Variants in CNTNAP5 observed in about 807,000 individuals in gnomAD.
CNTNAP5 encodes contactin-associated protein-like 5.
Under a neutral mutation model 150.2 loss-of-function variants are expected in CNTNAP5, and 72 were observed. The observed-to-expected ratio is 0.48, with a 90% CI of 0.40 to 0.58. The LOEUF is 0.58. CNTNAP5 is among the 20% of genes least tolerant of loss of function. The pLI is 0.00. For synonymous variants in CNTNAP5, 672 were observed against 619.8 expected (o/e 1.08, Z -1.25); for missense variants, 1,636 against 1,626.2 (o/e 1.01, Z -0.10).
At chr2:124,653,426 T>C (rs146058593) in intron 13 of CNTNAP5, among the ~76,000 whole-genome samples, 47 of 150,934 alleles carry the variant, frequency 3.1e-4, no homozygotes, top group African/African-American at 1.1e-3. Context: ...TAGTATATAG[T>C]ATGGATAAAT....
At chr2:124,805,339 C>A (rs952863684) in intron 19 of CNTNAP5, among the ~76,000 whole-genome samples, 1 of 152,004 alleles carries the variant, frequency 6.6e-6, no homozygotes, top group Non-Finnish European at 1.5e-5. Context: ...AGAGAGAGAG[C>A]TATAATAACT....
chr2:124,441,945 T>C (rs1177382358), intron 5 of CNTNAP5, among the ~76,000 whole-genome samples: 3 of 151,982 alleles, frequency 2.0e-5, no homozygotes, highest in Non-Finnish European at 4.4e-5. Flanking sequence ...GTCAACAAAT[T>C]GCTTTAAGTA....
intron 8 of CNTNAP5, among the ~76,000 whole-genome samples, chr2:124,515,361 C>T (rs147008587): frequency 6.6e-6 from 1 of 152,286 alleles, no homozygotes; most frequent in African/African-American, 2.4e-5. Flanking sequence ...AGGAGACTAA[C>T]ATGGACGGAT....
chr2:124,325,714 C>A (rs2104673901), intron 3 of CNTNAP5, among the ~76,000 whole-genome samples: 1 of 152,272 alleles, frequency 6.6e-6, no homozygotes, highest in South Asian at 2.1e-4. Context: ...GGAGGTGAGG[C>A]CATTTCGAAG....
At chr2:124,055,403 C>T (rs373212974) in intron 1 of CNTNAP5, among the ~76,000 whole-genome samples, 1 of 152,252 alleles carries the variant, frequency 6.6e-6, no homozygotes, top group African/African-American at 2.4e-5. Context: ...GTGGGGAATG[C>T]TTTTTTATGT....
intron 13 of CNTNAP5, among the ~76,000 whole-genome samples, chr2:124,692,040 A>T (rs1236160448): frequency 2.6e-5 from 4 of 152,054 alleles, no homozygotes; most frequent in Non-Finnish European, 5.9e-5. Flanking sequence ...AAGAAGCACG[A>T]ATTAGATTAT....
intron 11 of CNTNAP5, among the ~76,000 whole-genome samples, chr2:124,583,073 A>T (rs114118059): frequency 1.7e-3 from 263 of 152,314 alleles, no homozygotes; most frequent in African/African-American, 6.0e-3. Context: ...GGGGATATCC[A>T]TGTGAAGTTC....
intron 6 of CNTNAP5, among the ~76,000 whole-genome samples, chr2:124,455,912 C>T (rs896364448): frequency 2.0e-5 from 3 of 152,088 alleles, no homozygotes; most frequent in Admixed American, 2.0e-4. Context: ...AAGGGACATA[C>T]TTCCATGTAA....
chr2:124,670,371 C>G (rs1381898441), intron 13 of CNTNAP5, among the ~76,000 whole-genome samples: 1 of 152,008 alleles, frequency 6.6e-6, no homozygotes, highest in East Asian at 1.9e-4. Context: ...TGTGTGTCTT[C>G]TGTGGAAAAA....
At chr2:124,768,271 ATGTGTGTGTGTG>A (rs10598326) in intron 16 of CNTNAP5, among the ~76,000 whole-genome samples, 8 of 131,216 alleles carry the variant, frequency 6.1e-5, no homozygotes, top group Non-Finnish European at 1.4e-4. Flanking sequence ...TACTGTATGT[ATGTGTGTGTGTG>A]TGTGTGTGTG....
intron 1 of CNTNAP5, among the ~76,000 whole-genome samples, chr2:124,194,391 A>G (rs1573825492): frequency 7.3e-5 from 1 of 13,652 alleles, no homozygotes; most frequent in South Asian, 5.1e-3. Context: ...ATATATATAT[A>G]TATATATATA....
chr2:124,459,047 A>T (rs1254468030), intron 6 of CNTNAP5, among the ~76,000 whole-genome samples: 2 of 152,260 alleles, frequency 1.3e-5, no homozygotes, highest in Admixed American at 6.5e-5. Flanking sequence ...TTCTGTTTCC[A>T]GTAATTTGTC....
chr2:124,449,528 G>T (rs910727304), intron 6 of CNTNAP5, among the ~76,000 whole-genome samples: 4 of 152,076 alleles, frequency 2.6e-5, no homozygotes, highest in Admixed American at 6.5e-5. Context: ...CTTATCTTTT[G>T]TCTCTTGTGT....
chr2:124,427,471 T>C (rs1692266459), intron 4 of CNTNAP5, among the ~76,000 whole-genome samples: 1 of 152,068 alleles, frequency 6.6e-6, no homozygotes, highest in Admixed American at 6.6e-5. Flanking sequence ...TATTTATTTA[T>C]TTTGAGACAG....
At chr2:124,759,308 G>A (rs2105159525) in intron 14 of CNTNAP5, among the ~76,000 whole-genome samples, 1 of 148,006 alleles carries the variant, frequency 6.8e-6, no homozygotes, top group South Asian at 2.1e-4. Flanking sequence ...AGGCAATCTA[G>A]AAATGTATAA....
intron 3 of CNTNAP5, among the ~76,000 whole-genome samples, chr2:124,404,911 A>G (rs1284477138): frequency 2.0e-5 from 3 of 152,174 alleles, no homozygotes; most frequent in Non-Finnish European, 4.4e-5. Flanking sequence ...GGATAAGATC[A>G]GTGAACAGCT....
At chr2:124,748,005 G>A (rs538974250) in intron 14 of CNTNAP5, among the ~76,000 whole-genome samples, 4 of 151,616 alleles carry the variant, frequency 2.6e-5, no homozygotes, top group East Asian at 3.9e-4. Context: ...TGAGCTTTGC[G>A]ATTGAGTCAG....
intron 1 of CNTNAP5, among the ~76,000 whole-genome samples, chr2:124,171,026 A>C (rs938249628): frequency 6.6e-6 from 1 of 152,126 alleles, no homozygotes; most frequent in Non-Finnish European, 1.5e-5. Context: ...CCTGCCATGT[A>C]GGTTGATTTT....
intron 4 of CNTNAP5, among the ~76,000 whole-genome samples, chr2:124,418,057 C>T (rs914032479): frequency 9.9e-5 from 15 of 152,172 alleles, no homozygotes; most frequent in African/African-American, 3.4e-4. Flanking sequence ...TTCATTCATT[C>T]ATCTGTGAAT....
Sources: allele counts gnomAD v4.1 joint callset (sites outside exome capture counted in the v4.1 genomes callset), GRCh38; gene constraint gnomAD v4.1.1; transcripts MANE v1.5; gene names NCBI Gene and HGNC (gene_info 2026-07-23, HGNC 2026-07-21).